Variants in CHRM3 observed in about 807,000 individuals in gnomAD.
The protein encoded by CHRM3 is cholinergic receptor muscarinic 3, also known as muscarinic acetylcholine receptor M3.
Under a neutral mutation model 41.8 loss-of-function variants are expected in CHRM3, and 11 were observed. That is an observed-to-expected ratio of 0.26 (90% CI 0.17 to 0.44). CHRM3 has a LOEUF of 0.44. Ranked by LOEUF, CHRM3 falls within the 20% of genes least tolerant of loss-of-function variation. CHRM3 has a pLI of 1.00. For missense variants in CHRM3, 571 were observed against 745.4 expected (o/e 0.77, Z 2.72); for synonymous variants, 297 against 301.4 (o/e 0.99, Z 0.15).
chr1:239,395,351 C>G (rs566918115), intron 1 of CHRM3, among the ~76,000 whole-genome samples: 1 of 152,208 alleles, frequency 6.6e-6, no homozygotes, highest in South Asian at 2.1e-4. Flanking sequence ...CAGCCTTCCC[C>G]TCCTTCTTCC....
In CHRM3 at chr1:239,859,423, T is replaced by TG. The variant is rs1558185553; in HGVS notation, c.-20+32045_-20+32046insG. Among the ~76,000 whole-genome samples, 38 of 138,692 alleles carry TG rather than the reference T, an allele frequency of 2.7e-4. No homozygotes were observed. The East Asian group carries it at 2.9e-3, about 11-fold the overall frequency. 91.0% of individuals were successfully genotyped at this position (138,692 alleles called of 152,430 possible). A position where few individuals can be genotyped will look rare whatever the true frequency, so the allele number is the denominator to read the frequency against. ...TTTTTTGTTGTTGTTGTTGTTGTTTTTTTTTTTTGTTTTTTTTTTTGAGGT... is the reference window on the plus strand; with the variant it reads ...TTTTTTGTTGTTGTTGTTGTTGTTTTGTTTTTTTTGTTTTTTTTTTTGAGGT... On this transcript the variant is annotated intron_variant, in intron 6 of 6. Coordinates refer to ENST00000676153, the MANE Select transcript of CHRM3 (RefSeq NM_001375978.1).
At position 239,907,631 on chromosome 1, in the gene CHRM3, G is replaced by T. The variant is rs774602185; in HGVS notation, c.180G>T (p.Leu60=). Residue 60 remains leucine (L), a synonymous_variant, in exon 7 of 7, where the codon CTG becomes CTT. Transcript: ENST00000676153. This position sits in a 1 kb window ranked among gnomAD's most constrained non-coding sequence, Gnocchi z 5.4. ...SSPDGTTDDP[L]GGHTVWQVVF... ...CAGACGGTACCACCGATGACCCTCT[G>T]GGAGGTCATACCGTCTGGCAAGTGG... 10 of 1,614,158 alleles carry T rather than the reference G, an allele frequency of 6.2e-6. No individual in the cohort carries two copies. Among genetic ancestry groups the T allele is most frequent in the Middle Eastern group, 1.6e-4 (1 of 6,062 alleles).
rs562502102 is a variant in CHRM3 at position 239,793,838 on chromosome 1, A to T, written c.-146-33414A>T. Reference sequence around the variant, plus strand: ...TTTTTTTTTTTTTTTTGGTGATAAGATCTCACTCTGTCAACCCAGGCTGGA... The same window carrying T: ...TTTTTTTTTTTTTTTTGGTGATAAGTTCTCACTCTGTCAACCCAGGCTGGA... On this transcript the variant is annotated intron_variant, in intron 5 of 6. Coordinates refer to ENST00000676153, the MANE Select transcript of CHRM3 (RefSeq NM_001375978.1). Among the ~76,000 whole-genome samples, 14 of 94,364 alleles carry T rather than the reference A, an allele frequency of 1.5e-4. No homozygotes were observed. In the South Asian group the frequency reaches 4.2e-3, roughly 29 times the overall value. The allele number at this position is 94,364 out of a possible 152,430, so 61.9% of individuals were successfully genotyped here.
chr1:239,866,338 T>C (rs917059405), intron 6 of CHRM3, among the ~76,000 whole-genome samples: 4 of 151,514 alleles, frequency 2.6e-5, no homozygotes, highest in African/African-American at 9.7e-5. Context: ...GATCGGAGCT[T>C]GCAGTGAGCC....
Position 239,781,412 on chromosome 1 carries a change from A to C in CHRM3, c.-146-45840A>C, listed in dbSNP as rs145958030. Among the ~76,000 whole-genome samples, 63 of 152,342 alleles carry C rather than the reference A, an allele frequency of 4.1e-4. No homozygotes were observed. The East Asian group carries it at 0.012, about 28-fold the overall frequency. On this transcript the variant is annotated intron_variant, in intron 5 of 6. Coordinates refer to ENST00000676153, the MANE Select transcript of CHRM3 (RefSeq NM_001375978.1). ...AATTCCACCTGTTCATTGCTAGTAC[A>C]GGAAAGCAATGGACTGTTGTGAACT...
At chr1:239,589,456 A>T (rs1330678035) in intron 3 of CHRM3, among the ~76,000 whole-genome samples, 1 of 151,240 alleles carries the variant, frequency 6.6e-6, no homozygotes, top group Admixed American at 6.6e-5. Flanking sequence ...AATTACATAA[A>T]ACTATGTGTA....
At chr1:239,857,504 G>T (rs1482055403) in intron 6 of CHRM3, among the ~76,000 whole-genome samples, 1 of 152,086 alleles carries the variant, frequency 6.6e-6, no homozygotes, top group Non-Finnish European at 1.5e-5. Context: ...GTCTGTGTTT[G>T]TGTGTGTGTG....
chr1:239,724,619 G>T (rs1663269835), intron 5 of CHRM3, among the ~76,000 whole-genome samples: 1 of 151,914 alleles, frequency 6.6e-6, no homozygotes, highest in Non-Finnish European at 1.5e-5. Flanking sequence ...AAATGCTAAT[G>T]TGAGAATAAG....
rs563352914 is a variant in CHRM3, at chr1:239,656,994, G to C, written c.-249-21192G>C. 5.9e-5 allele frequency among the ~76,000 whole-genome samples: 9 copies of C among 152,272 alleles called. No homozygotes were observed. In the South Asian group the frequency reaches 1.9e-3, roughly 32 times the overall value. On this transcript the variant is annotated intron_variant, in intron 4 of 6. Coordinates refer to ENST00000676153, the MANE Select transcript of CHRM3 (RefSeq NM_001375978.1). ...CTTTGAAAATAAGGGTCATTAAAAA[G>C]AGCAACTAATCTTTGCTGTCAACAT...
At chr1:239,525,886 C>T (rs1218912178) in intron 2 of CHRM3, among the ~76,000 whole-genome samples, 1 of 152,192 alleles carries the variant, frequency 6.6e-6, no homozygotes. Context: ...AATTCAAGAA[C>T]TTTAAGAAAC....
intron 1 of CHRM3, among the ~76,000 whole-genome samples, chr1:239,431,848 G>A (rs544037676): frequency 6.6e-5 from 10 of 152,126 alleles, no homozygotes; most frequent in South Asian, 6.2e-4. Flanking sequence ...TACTGTATCC[G>A]GATACTTCCC....
At chr1:239,862,871 A>G (rs1024993421) in intron 6 of CHRM3, among the ~76,000 whole-genome samples, 1 of 152,206 alleles carries the variant, frequency 6.6e-6, no homozygotes, top group African/African-American at 2.4e-5. Context: ...TTAGAGAAAC[A>G]ATTACAGTAG....
At chr1:239,575,334 G>T (rs1420242019) in intron 3 of CHRM3, among the ~76,000 whole-genome samples, 1 of 152,136 alleles carries the variant, frequency 6.6e-6, no homozygotes, top group African/African-American at 2.4e-5. Context: ...GTTGTTGAGG[G>T]TGTTTCTTAT....
In CHRM3 at chr1:239,618,662, G is replaced by A. The variant is rs201391395; in HGVS notation, c.-312-13562G>A. On this transcript the variant is annotated intron_variant, in intron 3 of 6. Transcript: ENST00000676153. ...GATCGAGACCATCCTGGCTAACACG[G>A]TGAAACCCCGTCTCTACTAAAAATA... Among the ~76,000 whole-genome samples the A allele has an allele frequency of 5.1e-4, 77 of 151,298 alleles. 1 individual carries two copies. The East Asian group carries it at 5.7e-3, about 11-fold the overall frequency.
At chr1:239,822,110 T>G (rs966074098) in intron 5 of CHRM3, among the ~76,000 whole-genome samples, 1 of 152,200 alleles carries the variant, frequency 6.6e-6, no homozygotes, top group Non-Finnish European at 1.5e-5. Context: ...TTTATAGCAG[T>G]GTGAGAACAG....
intron 1 of CHRM3, among the ~76,000 whole-genome samples, chr1:239,428,973 G>T (rs1276413220): frequency 6.6e-6 from 1 of 152,166 alleles, no homozygotes; most frequent in Non-Finnish European, 1.5e-5. Context: ...GAGTATTTAT[G>T]TGGATTCATG....
chr1:239,616,113 C>T (rs943851523), intron 3 of CHRM3, among the ~76,000 whole-genome samples: 11 of 152,114 alleles, frequency 7.2e-5, no homozygotes, highest in East Asian at 3.9e-4. Flanking sequence ...ATTATCAATC[C>T]GCAAGTTGTA....
intron 3 of CHRM3, among the ~76,000 whole-genome samples, chr1:239,577,777 T>C (rs796727492): frequency 5.3e-5 from 8 of 152,304 alleles, no homozygotes; most frequent in African/African-American, 1.9e-4. Flanking sequence ...TGGTTGCCAT[T>C]TCAAATATGT....
At chr1:239,856,889 T>C (rs1303622707) in intron 6 of CHRM3, among the ~76,000 whole-genome samples, 1 of 152,148 alleles carries the variant, frequency 6.6e-6, no homozygotes, top group African/African-American at 2.4e-5. Flanking sequence ...AGTGGGATTT[T>C]GCAAAGAAGG....
Sources: allele counts gnomAD v4.1 joint callset (sites outside exome capture counted in the v4.1 genomes callset), GRCh38; gene constraint gnomAD v4.1.1; non-coding constraint Gnocchi (gnomAD v3.1); transcripts MANE v1.5; gene names NCBI Gene and HGNC (gene_info 2026-07-23, HGNC 2026-07-21).